SLC4A4: variants seen among roughly 807,000 people sequenced by gnomAD.
SLC4A4 encodes solute carrier family 4 member 4.
In SLC4A4, 27 loss-of-function variants were observed where a neutral mutation model predicts 111.5. That is an observed-to-expected ratio of 0.24 (90% CI 0.18 to 0.33). SLC4A4 has a LOEUF of 0.33. SLC4A4 is among the 10% of genes least tolerant of loss of function. SLC4A4 has a pLI of 1.00. For synonymous variants in SLC4A4, 443 were observed against 463.4 expected, an observed-to-expected ratio of 0.96 and a Z score of 0.57; for missense variants, 909 against 1,315.5, an observed-to-expected ratio of 0.69 and a Z score of 4.78.
At chr4:71,063,162 T>A (rs2148926798) in intron 1 of SLC4A4, among the ~76,000 whole-genome samples, 1 of 152,272 alleles carries the variant, frequency 6.6e-6, no homozygotes, top group Admixed American at 6.5e-5. Flanking sequence ...AATAGAGAAA[T>A]GGAATTTTCT....
intron 2 of SLC4A4, among the ~76,000 whole-genome samples, chr4:71,174,933 C>T (rs561914864): frequency 1.6e-4 from 24 of 152,196 alleles, no homozygotes; most frequent in African/African-American, 4.3e-4. Context: ...GAATGGAGCC[C>T]AGGTGGGAAG....
At position 71,473,080 on chromosome 4, in the gene SLC4A4, G is replaced by T. The variant is rs774654052; in HGVS notation, c.1903+110G>T. 4.8e-6 allele frequency: 6 copies of T among 1,251,154 alleles called. No individual in the cohort carries two copies. In the East Asian group the frequency reaches 1.2e-4, roughly 24 times the overall value. 77.5% of individuals were successfully genotyped at this position (1,251,154 alleles called of 1,614,324 possible). A position where few individuals can be genotyped will look rare whatever the true frequency, so the allele number is the denominator to read the frequency against. On this transcript the variant is annotated intron_variant, in intron 14 of 25. Coordinates refer to ENST00000264485, the MANE Select transcript of SLC4A4 (RefSeq NM_001098484.3). Reference sequence around the variant, plus strand: ...GTCATGGTCCTCAGGAATTAGTCTTGTTTTTTTCTCTGAAAAACTCTGCTA... The same window carrying T: ...GTCATGGTCCTCAGGAATTAGTCTTTTTTTTTTCTCTGAAAAACTCTGCTA...
chr4:71,566,790 G>C (rs1737509608), intron 24 of SLC4A4, among the ~76,000 whole-genome samples: 2 of 151,742 alleles, frequency 1.3e-5, no homozygotes, highest in African/African-American at 4.8e-5. Flanking sequence ...CAAGACAACA[G>C]TGATCCATCC....
intron 6 of SLC4A4, among the ~76,000 whole-genome samples, chr4:71,358,271 C>A (rs1322612812): frequency 6.6e-6 from 1 of 150,378 alleles, no homozygotes; most frequent in African/African-American, 2.5e-5. Flanking sequence ...GCCAAGATCA[C>A]GCCACTGCAC....
At chr4:71,403,116 G>A (rs1181047587) in intron 7 of SLC4A4, among the ~76,000 whole-genome samples, 1 of 152,112 alleles carries the variant, frequency 6.6e-6, no homozygotes, top group Non-Finnish European at 1.5e-5. Flanking sequence ...TTAAGAACGG[G>A]TTTTGTATCA....
intron 3 of SLC4A4, among the ~76,000 whole-genome samples, chr4:71,333,436 C>G (rs1291108535): frequency 6.6e-6 from 1 of 152,192 alleles, no homozygotes; most frequent in Non-Finnish European, 1.5e-5. Context: ...AGGTGTGACT[C>G]AAGTACCCCT....
intron 12 of SLC4A4, among the ~76,000 whole-genome samples, chr4:71,461,880 A>G (rs1265563011): frequency 6.6e-6 from 1 of 152,184 alleles, no homozygotes; most frequent in African/African-American, 2.4e-5. Flanking sequence ...TTTGTTTATT[A>G]TCATTGACTT....
At chr4:71,128,233 C>T (rs533447451) in intron 2 of SLC4A4, among the ~76,000 whole-genome samples, 54 of 152,236 alleles carry the variant, frequency 3.5e-4, no homozygotes, top group African/African-American at 1.3e-3. Context: ...CTTACGTGCA[C>T]GGCAGCAGGC....
intron 6 of SLC4A4, among the ~76,000 whole-genome samples, chr4:71,375,933 T>C (rs1732307519): frequency 6.6e-6 from 1 of 151,790 alleles, no homozygotes; most frequent in Non-Finnish European, 1.5e-5. Flanking sequence ...GTAGTCCTGA[T>C]TCTCAAAGTA....
intron 2 of SLC4A4, among the ~76,000 whole-genome samples, chr4:71,158,805 G>A (rs537594101): frequency 6.6e-6 from 1 of 152,294 alleles, no homozygotes; most frequent in Non-Finnish European, 1.5e-5. Flanking sequence ...TAAAGTATGT[G>A]TGGGCCACCA....
At chr4:71,443,116 CTATATATATATATA>C (rs1168996571) in intron 8 of SLC4A4, among the ~76,000 whole-genome samples, 5 of 65,658 alleles carry the variant, frequency 7.6e-5, no homozygotes, top group East Asian at 1.1e-3. Flanking sequence ...CTCTCTCTCT[CTATATATATATATA>C]TATATATATA....
intron 2 of SLC4A4, 137 bp from the exon 3 acceptor site, chr4:71,255,083 T>C (rs1721344294): frequency 1.1e-6 from 1 of 895,510 alleles, no homozygotes; most frequent in Non-Finnish European, 1.9e-6. Flanking sequence ...GGAAATTTTA[T>C]TTTTCTAGAG....
chr4:71,308,004 A>G (rs1725827130), intron 3 of SLC4A4, among the ~76,000 whole-genome samples: 1 of 152,128 alleles, frequency 6.6e-6, no homozygotes, highest in African/African-American at 2.4e-5. Context: ...CCCTGCTTGC[A>G]GCCCTCAATA....
chr4:71,502,520 A>G (rs1453064148), intron 16 of SLC4A4, among the ~76,000 whole-genome samples: 1 of 152,034 alleles, frequency 6.6e-6, no homozygotes, highest in African/African-American at 2.4e-5. Context: ...TTGGTATGAT[A>G]TATTTCCATT....
intron 7 of SLC4A4, among the ~76,000 whole-genome samples, chr4:71,400,321 T>C (rs1160976314): frequency 1.3e-5 from 2 of 152,180 alleles, no homozygotes; most frequent in Non-Finnish European, 2.9e-5. Flanking sequence ...GTAGAAGAAA[T>C]ATGTGGAACA....
chr4:71,509,951 G>T (rs1406272782), intron 16 of SLC4A4, among the ~76,000 whole-genome samples: 1 of 152,166 alleles, frequency 6.6e-6, no homozygotes, highest in Non-Finnish European at 1.5e-5. Context: ...CCCAGGACAG[G>T]ATTCCCTCTA....
intron 1 of SLC4A4, among the ~76,000 whole-genome samples, chr4:71,219,351 C>G (rs1400679931): frequency 6.6e-6 from 1 of 152,180 alleles, no homozygotes; most frequent in Non-Finnish European, 1.5e-5. Context: ...GAAGATGGAA[C>G]AGCACAGCCT....
intron 1 of SLC4A4, among the ~76,000 whole-genome samples, chr4:71,082,065 A>G (rs907818127): frequency 1.1e-4 from 17 of 151,978 alleles, no homozygotes; most frequent in African/African-American, 3.4e-4. Flanking sequence ...CTCTCTTTAT[A>G]TCTTACTTAT....
chr4:71,465,857 T>C (rs1034415185), intron 12 of SLC4A4, among the ~76,000 whole-genome samples: 1 of 152,136 alleles, frequency 6.6e-6, no homozygotes, highest in African/African-American at 2.4e-5. Flanking sequence ...AAGTTTACAT[T>C]GGACAATGAA....
Sources: allele counts gnomAD v4.1 joint callset (sites outside exome capture counted in the v4.1 genomes callset), GRCh38; gene constraint gnomAD v4.1.1; transcripts MANE v1.5; gene names NCBI Gene and HGNC (gene_info 2026-07-23, HGNC 2026-07-21).